CDH18: variants seen among roughly 807,000 people sequenced by gnomAD.
CDH18 encodes cadherin 18.
In CDH18, 31 loss-of-function variants were observed where a neutral mutation model predicts 67.9. The ratio of observed to expected loss-of-function variants is 0.46; its 90% CI spans 0.34 to 0.62. CDH18 has a LOEUF of 0.62. Ranked by LOEUF, CDH18 falls within the 20% of genes least tolerant of loss-of-function variation. CDH18 has a pLI of 0.01. For missense variants in CDH18, 890 were observed against 975.5 expected, an observed-to-expected ratio of 0.91 and a Z score of 1.17; for synonymous variants, 362 against 347.2, an observed-to-expected ratio of 1.04 and a Z score of -0.48.
chr5:20,459,810 T>A (rs888891165), intron 1 of CDH18, among the ~76,000 whole-genome samples: 6 of 152,198 alleles, frequency 3.9e-5, no homozygotes, highest in Non-Finnish European at 8.8e-5. Context: ...TTACCTTTCC[T>A]CTTGTTCCAA....
chr5:19,742,930 A>T (rs529366480), intron 4 of CDH18, among the ~76,000 whole-genome samples: 1 of 152,302 alleles, frequency 6.6e-6, no homozygotes, highest in South Asian at 2.1e-4. Context: ...AGAAACCAGT[A>T]CATTTTTAAG....
rs2126477441 is a variant in CDH18, at chr5:19,471,947, A to C, written c.*1279T>G. Among the ~76,000 whole-genome samples, 1 of 152,270 alleles carries C rather than the reference A, an allele frequency of 6.6e-6. No homozygotes were observed. Among genetic ancestry groups the C allele is most frequent in the Middle Eastern group, 3.4e-3 (1 of 294 alleles). ...TTACAGATGCTCATTTAATCCTCACAACAACCCTGTGAGGTGGGCAGGGAA... is the reference window on the plus strand; with the variant it reads ...TTACAGATGCTCATTTAATCCTCACCACAACCCTGTGAGGTGGGCAGGGAA... On this transcript the variant is annotated 3_prime_UTR_variant, in exon 13 of 13. Transcript: ENST00000382275.
At chr5:19,810,581 CAATATATTTGATTAAGTA>C (rs1213003890) in intron 3 of CDH18, among the ~76,000 whole-genome samples, 1 of 151,502 alleles carries the variant, frequency 6.6e-6, no homozygotes, top group South Asian at 2.1e-4. Context: ...CAAAGCAAAT[CAATATATTTGATTAAGTA>C]AATATATTTG....
intron 4 of CDH18, among the ~76,000 whole-genome samples, chr5:19,730,503 A>G (rs537007079): frequency 2.0e-4 from 30 of 152,340 alleles, no homozygotes; most frequent in Admixed American, 2.0e-3. Flanking sequence ...CATATACATA[A>G]TGAGATACTT....
chr5:19,995,602 T>TA (rs546777102), intron 2 of CDH18, among the ~76,000 whole-genome samples: 6,969 of 122,628 alleles, frequency 0.057, 142 homozygotes, highest in Non-Finnish European at 0.062. Flanking sequence ...TTGCAAGCTT[T>TA]AAAAAAAAAA....
intron 2 of CDH18, among the ~76,000 whole-genome samples, chr5:20,044,812 C>T (rs1740769270): frequency 6.6e-6 from 1 of 152,110 alleles, no homozygotes; most frequent in Admixed American, 6.6e-5. Flanking sequence ...TCCTCTTTAC[C>T]TTGCCTTCCC....
At chr5:19,631,843 A>G (rs1752461302) in intron 5 of CDH18, among the ~76,000 whole-genome samples, 1 of 151,926 alleles carries the variant, frequency 6.6e-6, no homozygotes, top group Middle Eastern at 3.2e-3. Context: ...TGGCAATTCC[A>G]CTTTTTTTGG....
chr5:20,473,495 A>G (rs1415701204), intron 1 of CDH18, among the ~76,000 whole-genome samples: 1 of 152,026 alleles, frequency 6.6e-6, no homozygotes, highest in Non-Finnish European at 1.5e-5. Context: ...CCTGTCTTCG[A>G]CATTGGATTT....
intron 3 of CDH18, among the ~76,000 whole-genome samples, chr5:19,820,530 A>C (rs1214340605): frequency 1.3e-5 from 2 of 152,096 alleles, no homozygotes; most frequent in Non-Finnish European, 2.9e-5. Flanking sequence ...CCCACAACCC[A>C]CTTTGACTCT....
At chr5:20,561,510 T>C (rs1758213646) in intron 1 of CDH18, among the ~76,000 whole-genome samples, 1 of 152,052 alleles carries the variant, frequency 6.6e-6, no homozygotes, top group Non-Finnish European at 1.5e-5. Flanking sequence ...CTGACAAGGC[T>C]ACATATTGTA....
At position 20,559,666 on chromosome 5, in the gene CDH18, G is replaced by T. The variant is rs1285623111; in HGVS notation, c.-580+15796C>A. On this transcript the variant is annotated intron_variant, in intron 1 of 14. Transcript: ENST00000507958. ...ATTGAGTTTACATTTTAAACTAATA[G>T]AAAAATATACAGAAATGTGAAGAAT... 2.0e-5 allele frequency among the ~76,000 whole-genome samples: 3 copies of T among 151,850 alleles called. No individual in the cohort carries two copies. The East Asian group carries it at 5.8e-4, about 29-fold the overall frequency.
intron 1 of CDH18, among the ~76,000 whole-genome samples, chr5:20,352,624 C>CAAAAAAA (rs35947411): frequency 1.1e-5 from 1 of 89,140 alleles, no homozygotes; most frequent in Non-Finnish European, 2.4e-5. Flanking sequence ...ACTAAAAATA[C>CAAAAAAA]AAAAAAAAAA....
At chr5:20,073,695 C>T (rs1406839594) in intron 2 of CDH18, among the ~76,000 whole-genome samples, 1 of 151,448 alleles carries the variant, frequency 6.6e-6, no homozygotes, top group Non-Finnish European at 1.5e-5. Flanking sequence ...TTCTAATACA[C>T]AGTATTTATT....
chr5:20,413,211 T>C (rs1000254123), intron 1 of CDH18, among the ~76,000 whole-genome samples: 33 of 152,252 alleles, frequency 2.2e-4, no homozygotes, highest in Non-Finnish European at 4.4e-4. Context: ...CAGTCTATCA[T>C]TGATGGACAT....
At chr5:19,573,751 T>C (rs1479330409) in intron 7 of CDH18, among the ~76,000 whole-genome samples, 3 of 152,232 alleles carry the variant, frequency 2.0e-5, no homozygotes, top group Non-Finnish European at 2.9e-5. Context: ...TATCAGCAAC[T>C]GGGTGGACAA....
intron 1 of CDH18, among the ~76,000 whole-genome samples, chr5:20,482,158 G>T (rs553334069): frequency 6.6e-6 from 1 of 151,968 alleles, no homozygotes; most frequent in South Asian, 2.1e-4. Flanking sequence ...GCTATGAACA[G>T]CTCTATGCCA....
chr5:19,686,535 T>A (rs889616720), intron 5 of CDH18, among the ~76,000 whole-genome samples: 4 of 152,146 alleles, frequency 2.6e-5, no homozygotes, highest in African/African-American at 7.2e-5. Context: ...AATGCCTATT[T>A]ATGTGCGCGC....
chr5:20,473,902 T>C (rs1395517788), intron 1 of CDH18, among the ~76,000 whole-genome samples: 1 of 152,172 alleles, frequency 6.6e-6, no homozygotes, highest in African/African-American at 2.4e-5. Flanking sequence ...TTAAATATGC[T>C]ATCCCTTTTT....
At chr5:19,634,707 G>T (rs1022482963) in intron 5 of CDH18, among the ~76,000 whole-genome samples, 2 of 151,948 alleles carry the variant, frequency 1.3e-5, no homozygotes, top group African/African-American at 2.4e-5. Context: ...GAGCCTGAGG[G>T]TGGGTGGATC....
Sources: gnomAD v4.1 joint callset for allele counts (sites outside exome capture counted in the v4.1 genomes callset) on GRCh38, gnomAD v4.1.1 for gene constraint, MANE v1.5 for transcripts, NCBI Gene and HGNC (gene_info 2026-07-23, HGNC 2026-07-21) for gene names.